SHANK2: variants seen among roughly 807,000 people sequenced by gnomAD.
The protein encoded by SHANK2 is SH3 and multiple ankyrin repeat domains protein 2.
In SHANK2, 43 loss-of-function variants were observed where a neutral mutation model predicts 133.7. That is an observed-to-expected ratio of 0.32 (90% CI 0.25 to 0.41). The LOEUF (loss-of-function observed/expected upper bound fraction) is 0.41. SHANK2 is among the 10% of genes least tolerant of loss of function. The pLI is 1.00. For missense variants in SHANK2, 1,994 were observed against 2,235.8 expected, an observed-to-expected ratio of 0.89 and a Z score of 2.18; for synonymous variants, 1,017 against 952.8, an observed-to-expected ratio of 1.07 and a Z score of -1.24.
intron 11 of SHANK2, among the ~76,000 whole-genome samples, chr11:70,870,355 G>C (rs781905317): frequency 1.3e-5 from 2 of 152,188 alleles, no homozygotes; most frequent in African/African-American, 2.4e-5. Flanking sequence ...GAAGGGGCTG[G>C]TTCTGGACAG....
intron 12 of SHANK2, among the ~76,000 whole-genome samples, chr11:70,818,798 G>A (rs555724714): frequency 3.3e-5 from 5 of 152,294 alleles, no homozygotes; most frequent in African/African-American, 7.2e-5. Flanking sequence ...TCTAGGGGCC[G>A]GGAGAAGTGG....
chr11:70,888,144 A>C (rs1358487849), intron 11 of SHANK2, among the ~76,000 whole-genome samples: 3 of 150,502 alleles, frequency 2.0e-5, no homozygotes, highest in African/African-American at 7.3e-5. Context: ...CCAAGAGGCC[A>C]GGAACGGACA....
At chr11:71,227,917 G>GA (rs1265391506) in intron 1 of SHANK2, among the ~76,000 whole-genome samples, 1 of 151,470 alleles carries the variant, frequency 6.6e-6, no homozygotes, top group African/African-American at 2.4e-5. Flanking sequence ...ATATGAGTGG[G>GA]AAAAAATGAA....
intron 10 of SHANK2, chr11:70,950,056 G>A (rs1161435557): frequency 4.4e-6 from 2 of 456,538 alleles, no homozygotes; most frequent in Admixed American, 4.7e-5. Flanking sequence ...CAAGGCAGTT[G>A]CCTTCAGCCC....
At chr11:70,707,417 T>C (rs901799698) in intron 14 of SHANK2, among the ~76,000 whole-genome samples, 1 of 131,952 alleles carries the variant, frequency 7.6e-6, no homozygotes, top group African/African-American at 2.9e-5. Context: ...AGATAGAAGG[T>C]GAGAGGTGAG....
chr11:71,115,953 C>G (rs1478160873), intron 4 of SHANK2, among the ~76,000 whole-genome samples: 4 of 152,128 alleles, frequency 2.6e-5, no homozygotes, highest in African/African-American at 9.7e-5. Context: ...CAATGGATAC[C>G]CATTTTACAG....
At chr11:71,083,233 C>T (rs1290038245) in intron 8 of SHANK2, among the ~76,000 whole-genome samples, 1 of 152,080 alleles carries the variant, frequency 6.6e-6, no homozygotes, top group Non-Finnish European at 1.5e-5. Flanking sequence ...AGCCCCTGTG[C>T]CCAGCCTAAT....
chr11:70,837,048 C>A (rs1364634589), intron 11 of SHANK2, among the ~76,000 whole-genome samples: 1 of 152,222 alleles, frequency 6.6e-6, no homozygotes, highest in Non-Finnish European at 1.5e-5. Flanking sequence ...GAAGGGAGCC[C>A]TCATCAGACA....
In SHANK2 at chr11:70,472,674, A is replaced by G. The variant is rs1555148890; in HGVS notation, c.*195T>C. On this transcript the variant is annotated 3_prime_UTR_variant, in exon 26 of 26. Transcript: ENST00000601538. This position sits in a 1 kb window ranked among gnomAD's most constrained non-coding sequence, Gnocchi z 4.4. ...CCATGTGTGATAGAAACTGCCCAAG[A>G]CACCCACATGGTGAGCCAGGGGTCT... 3 of 622,790 alleles carry G rather than the reference A, an allele frequency of 4.8e-6. No individual in the cohort carries two copies. Among genetic ancestry groups the G allele is most frequent in the Non-Finnish European group, 8.6e-6 (3 of 349,632 alleles). The allele number at this position is 622,790 out of a possible 1,614,324, so 38.6% of individuals were successfully genotyped here.
chr11:70,499,053 T>A (rs2059012925), intron 21 of SHANK2, among the ~76,000 whole-genome samples: 1 of 152,244 alleles, frequency 6.6e-6, no homozygotes, highest in African/African-American at 2.4e-5. Context: ...ACGAGTGCTT[T>A]TTCCGAGGCG....
chr11:70,952,751 CG>C (rs35132270), intron 10 of SHANK2: 113,976 of 437,544 alleles, frequency 0.26, 16,143 homozygotes, highest in Non-Finnish European at 0.3. Flanking sequence ...TTCGTGTGTC[CG>C]GGGGGGCCTG....
intron 12 of SHANK2, among the ~76,000 whole-genome samples, chr11:70,811,280 C>T (rs1485410079): frequency 6.6e-6 from 1 of 152,168 alleles, no homozygotes; most frequent in Non-Finnish European, 1.5e-5. Context: ...TCTGACACAG[C>T]AGCTGCTTAA....
At chr11:71,237,698 C>T in intron 1 of SHANK2, among the ~76,000 whole-genome samples, 1 of 152,188 alleles carries the variant, frequency 6.6e-6, no homozygotes, top group East Asian at 1.9e-4. Flanking sequence ...GGCCCCAAGC[C>T]CACCACAATG....
At chr11:71,168,688 G>A (rs1953242409) in intron 2 of SHANK2, among the ~76,000 whole-genome samples, 1 of 152,166 alleles carries the variant, frequency 6.6e-6, no homozygotes, top group Non-Finnish European at 1.5e-5. Flanking sequence ...AGTCAGGCGT[G>A]GCGGCGCGCG....
At chr11:71,073,161 TTTTC>T (rs1590884745) in intron 9 of SHANK2, among the ~76,000 whole-genome samples, 1,784 of 42,106 alleles carry the variant, frequency 0.042, 517 homozygotes, top group Non-Finnish European at 0.094. Context: ...TTTTTCTTTT[TTTTC>T]TTTTTTTTTT....
chr11:70,487,892 G>A lies in SHANK2; in HGVS notation c.2573-172C>T, dbSNP rs181387241. 1.2e-4 allele frequency among the ~76,000 whole-genome samples: 19 copies of A among 152,332 alleles called. No homozygotes were observed. The highest frequency in any genetic ancestry group is 3.4e-4 in the African/African-American group (14 of 41,580). On this transcript the variant is annotated intron_variant, in intron 24 of 25. Coordinates refer to ENST00000601538, the MANE Select transcript of SHANK2 (RefSeq NM_012309.5). The surrounding 1 kb of genome is among the most constrained non-coding windows in gnomAD (Gnocchi z 5.8). Reference sequence around the variant, plus strand: ...CGAGTGGTTAGTCACATGGCCCGTCGTGAGCCAAAGGACAAGAAAGGGAAG... The same window carrying A: ...CGAGTGGTTAGTCACATGGCCCGTCATGAGCCAAAGGACAAGAAAGGGAAG...
intron 17 of SHANK2, among the ~76,000 whole-genome samples, chr11:70,632,124 A>ATTTTTG (rs546628446): frequency 1.3e-5 from 2 of 151,954 alleles, no homozygotes; most frequent in Non-Finnish European, 1.5e-5. Context: ...CTGAGCGGAC[A>ATTTTTG]TTTTTGTTTT....
At chr11:70,619,921 C>T (rs1554997155) in intron 17 of SHANK2, among the ~76,000 whole-genome samples, 1 of 152,194 alleles carries the variant, frequency 6.6e-6, no homozygotes, top group African/African-American at 2.4e-5. Flanking sequence ...GCTCTGCTAA[C>T]TGATGCTCAG....
At chr11:70,668,121 G>A (rs528092919) in intron 15 of SHANK2, 24 of 152,282 alleles carry the variant, frequency 1.6e-4, no homozygotes, top group South Asian at 4.2e-4. Flanking sequence ...GTCTGGTGTG[G>A]TCAGTTGAAT....
Sources: allele counts gnomAD v4.1 joint callset (sites outside exome capture counted in the v4.1 genomes callset), GRCh38; gene constraint gnomAD v4.1.1; non-coding constraint Gnocchi (gnomAD v3.1); transcripts MANE v1.5; gene names NCBI Gene and HGNC (gene_info 2026-07-23, HGNC 2026-07-21).